The following BMPER variants were observed in gnomAD, a reference collection of about 807,000 sequenced individuals.
The protein encoded by BMPER is BMP binding endothelial regulator.
Under a neutral mutation model 87.3 loss-of-function variants are expected in BMPER, and 45 were observed. That is an observed-to-expected ratio of 0.52 (90% CI 0.41 to 0.66). The LOEUF is 0.66. Among genes scored for constraint, BMPER ranks in the 30% least tolerant of loss-of-function variants. BMPER has a pLI of 0.00. For missense variants in BMPER, 784 were observed against 867.5 expected, an observed-to-expected ratio of 0.90 and a Z score of 1.21; for synonymous variants, 326 against 316.2, an observed-to-expected ratio of 1.03 and a Z score of -0.33.
intron 13 of BMPER, among the ~76,000 whole-genome samples, chr7:34,095,654 G>A (rs1344948648): frequency 6.6e-6 from 1 of 152,200 alleles, no homozygotes; most frequent in South Asian, 2.1e-4. Flanking sequence ...GACATGAGCT[G>A]TATTTTTTCC....
rs1268062195 is a variant in BMPER, at chr7:34,003,433, A to G, written c.576+28649A>G. Among the ~76,000 whole-genome samples the G allele has an allele frequency of 9.9e-5, 15 of 151,920 alleles. 1 individual carries two copies. The highest frequency in any genetic ancestry group is 9.8e-4 in the Admixed American group (15 of 15,244). Reference sequence around the variant, plus strand: ...ATCGCACTCTATGTATTATAAACCCATCAGCACAGTTTTATAGTTTTGTAT... The same window carrying G: ...ATCGCACTCTATGTATTATAAACCCGTCAGCACAGTTTTATAGTTTTGTAT... On this transcript the variant is annotated intron_variant, in intron 6 of 14. Coordinates refer to ENST00000649409, the MANE Select transcript of BMPER (RefSeq NM_001365308.1).
intron 6 of BMPER, among the ~76,000 whole-genome samples, chr7:34,012,538 T>G (rs1786910236): frequency 6.6e-6 from 1 of 151,946 alleles, no homozygotes; most frequent in Non-Finnish European, 1.5e-5. Flanking sequence ...TCCTATTACC[T>G]GACACACACA....
chr7:34,013,511 G>T (rs2127942410), intron 6 of BMPER, among the ~76,000 whole-genome samples: 1 of 151,830 alleles, frequency 6.6e-6, no homozygotes, highest in East Asian at 2.0e-4. Flanking sequence ...TTTAAAAATA[G>T]CTCTCTTGAA....
At chr7:33,909,693 A>AAAG (rs1554296292) in intron 2 of BMPER, among the ~76,000 whole-genome samples, 49,482 of 138,508 alleles carry the variant, frequency 0.36, 9,437 homozygotes, top group Middle Eastern at 0.6. Context: ...AAAAAAAAAA[A>AAAG]AAAGAAAGAA....
chr7:33,913,713 A>G lies in BMPER; in HGVS notation c.219+6810A>G, dbSNP rs17170488. Among the ~76,000 whole-genome samples, 1,408 of 152,322 alleles carry G rather than the reference A, an allele frequency of 9.2e-3. 19 individuals are homozygous for G. The highest frequency in any genetic ancestry group is 0.032 in the African/African-American group (1,346 of 41,562). ...GACACAGTTGCTAAAATGCAGCAGTAATTACAGTGGAGTGATTGGTAGCAC... is the reference window on the plus strand; with the variant it reads ...GACACAGTTGCTAAAATGCAGCAGTGATTACAGTGGAGTGATTGGTAGCAC... On this transcript the variant is annotated intron_variant, in intron 2 of 14. Transcript: ENST00000649409.
rs145708760 is a variant in BMPER, at chr7:33,925,798, T to A, written c.220-11491T>A. ...GAATGTCATCAAAGAAGGAGATTCATTTGTGAATTGTCAATCCCAAAACGC... is the reference window on the plus strand; with the variant it reads ...GAATGTCATCAAAGAAGGAGATTCAATTGTGAATTGTCAATCCCAAAACGC... On this transcript the variant is annotated intron_variant, in intron 2 of 14. Coordinates refer to ENST00000649409, the MANE Select transcript of BMPER (RefSeq NM_001365308.1). Among the ~76,000 whole-genome samples, 3 of 152,326 alleles carry A rather than the reference T, an allele frequency of 2.0e-5. No homozygotes were observed. In the East Asian group the frequency reaches 5.8e-4, roughly 29 times the overall value.
intron 3 of BMPER, among the ~76,000 whole-genome samples, chr7:33,947,718 A>G (rs1442664269): frequency 6.6e-6 from 1 of 152,196 alleles, no homozygotes; most frequent in East Asian, 1.9e-4. Flanking sequence ...CCAATTACTG[A>G]CCAATGTAAA....
chr7:34,152,664 T>A (rs1258052897), intron 14 of BMPER, among the ~76,000 whole-genome samples: 1 of 152,108 alleles, frequency 6.6e-6, no homozygotes, highest in African/African-American at 2.4e-5. Flanking sequence ...CCTTGGTAGG[T>A]TTTTTCTCTG....
At chr7:34,106,687 T>C (rs1789827396) in intron 13 of BMPER, among the ~76,000 whole-genome samples, 1 of 152,194 alleles carries the variant, frequency 6.6e-6, no homozygotes, top group African/African-American at 2.4e-5. Flanking sequence ...TCAGAAACCT[T>C]AAGTGGCCCA....
chr7:33,964,951 T>C (rs1345340825), intron 3 of BMPER, among the ~76,000 whole-genome samples: 1 of 151,980 alleles, frequency 6.6e-6, no homozygotes, highest in African/African-American at 2.4e-5. Flanking sequence ...GAACAAGTTA[T>C]TTATTATCTG....
chr7:34,156,022 G>C lies in BMPER; in HGVS notation c.*2749G>C, dbSNP rs967883535. 3 of 152,108 alleles carry C rather than the reference G, an allele frequency of 2.0e-5. No homozygotes were observed. Among genetic ancestry groups the C allele is most frequent in the Admixed American group, 2.0e-4 (3 of 15,274 alleles). The allele number at this position is 152,108 out of a possible 1,614,324, so 9.4% of individuals were successfully genotyped here. A position where few individuals can be genotyped will look rare whatever the true frequency, so the allele number is the denominator to read the frequency against. ...GGTCCTGACCTAAAATTTTTTAGCT[G>C]GGAAGAAAAGATATCTCTTTGGCAT... On this transcript the variant is annotated 3_prime_UTR_variant, in exon 15 of 15. Coordinates refer to ENST00000649409, the MANE Select transcript of BMPER (RefSeq NM_001365308.1).
At chr7:33,944,707 C>T (rs752688587) in intron 3 of BMPER, among the ~76,000 whole-genome samples, 4 of 151,986 alleles carry the variant, frequency 2.6e-5, no homozygotes, top group East Asian at 1.9e-4. Flanking sequence ...TTCTGTTTAT[C>T]GTTTATTCTA....
At chr7:33,993,355 C>G (rs1285019379) in intron 6 of BMPER, among the ~76,000 whole-genome samples, 1 of 152,090 alleles carries the variant, frequency 6.6e-6, no homozygotes, top group Non-Finnish European at 1.5e-5. Context: ...CTTCTCGCTT[C>G]ATTTCATTCA....
At chr7:34,132,755 TCA>T (rs1379374052) in intron 13 of BMPER, among the ~76,000 whole-genome samples, 2 of 152,246 alleles carry the variant, frequency 1.3e-5, no homozygotes, top group Admixed American at 1.3e-4. Flanking sequence ...CTTGACAGAA[TCA>T]CAGAATATTA....
At chr7:33,971,517 A>G (rs762349309) in intron 5 of BMPER, among the ~76,000 whole-genome samples, 1 of 152,156 alleles carries the variant, frequency 6.6e-6, no homozygotes, top group Non-Finnish European at 1.5e-5. Context: ...TATTTTTTCC[A>G]TTATCCAGTT....
intron 6 of BMPER, among the ~76,000 whole-genome samples, chr7:33,982,877 G>A (rs1160780156): frequency 1.3e-5 from 2 of 152,180 alleles, no homozygotes; most frequent in South Asian, 2.1e-4. Context: ...CTTTTTGGAA[G>A]AAAGAGGGCA....
intron 6 of BMPER, among the ~76,000 whole-genome samples, chr7:33,990,465 TG>T (rs1471370479): frequency 6.9e-6 from 1 of 144,444 alleles, no homozygotes; most frequent in African/African-American, 2.6e-5. Context: ...ACATTGATTT[TG>T]TATCCTGAGA....
chr7:33,944,040 T>C (rs1329722989), intron 3 of BMPER, among the ~76,000 whole-genome samples: 3 of 152,202 alleles, frequency 2.0e-5, no homozygotes, highest in Admixed American at 6.5e-5. Context: ...TGGTCCAGTA[T>C]TGCAGAACTT....
chr7:34,120,405 TTG>T (rs1790232168), intron 13 of BMPER, among the ~76,000 whole-genome samples: 1 of 61,866 alleles, frequency 1.6e-5, no homozygotes, highest in African/African-American at 4.1e-5. Flanking sequence ...TTTTTGTTTG[TTG>T]TTTTTTTTGA....
Sources: gnomAD v4.1 joint callset for allele counts (sites outside exome capture counted in the v4.1 genomes callset) on GRCh38, gnomAD v4.1.1 for gene constraint, MANE v1.5 for transcripts, NCBI Gene and HGNC (gene_info 2026-07-23, HGNC 2026-07-21) for gene names.